The following ZDHHC14 variants were observed in gnomAD, a reference collection of about 807,000 sequenced individuals.
The protein encoded by ZDHHC14 is zDHHC palmitoyltransferase 14.
In ZDHHC14, 16 loss-of-function variants were observed where a neutral mutation model predicts 47.7. The ratio of observed to expected loss-of-function variants is 0.34; its 90% confidence interval spans 0.23 to 0.51. The LOEUF is 0.51. Among genes scored for constraint, ZDHHC14 ranks in the 20% least tolerant of loss-of-function variants. The pLI is 0.97. For missense variants in ZDHHC14, 515 were observed against 662.5 expected (o/e 0.78, Z 2.44); for synonymous variants, 293 against 278.9 (o/e 1.05, Z -0.50).
intron 3 of ZDHHC14, among the ~76,000 whole-genome samples, chr6:157,595,978 C>A (rs1234011646): frequency 6.6e-6 from 1 of 152,190 alleles, no homozygotes; most frequent in African/African-American, 2.4e-5. Flanking sequence ...AACCCAGGAG[C>A]ACACCGCAAG....
chr6:157,530,890 G>A (rs1273007213), intron 1 of ZDHHC14, among the ~76,000 whole-genome samples: 1 of 150,878 alleles, frequency 6.6e-6, no homozygotes, highest in Non-Finnish European at 1.5e-5. Context: ...TATGATGACG[G>A]ATATGTTAAA....
At chr6:157,393,958 C>T (rs1777471619) in intron 1 of ZDHHC14, among the ~76,000 whole-genome samples, 1 of 152,196 alleles carries the variant, frequency 6.6e-6, no homozygotes, top group Non-Finnish European at 1.5e-5. Context: ...GCTTAGAGCA[C>T]CTGCCCCCTG....
At chr6:157,466,169 T>G (rs1029666375) in intron 1 of ZDHHC14, among the ~76,000 whole-genome samples, 15 of 152,196 alleles carry the variant, frequency 9.9e-5, no homozygotes, top group Admixed American at 6.5e-4. Flanking sequence ...CATGCTTCTC[T>G]AGGGAGGACT....
At chr6:157,540,550 G>C (rs186648521) in intron 1 of ZDHHC14, among the ~76,000 whole-genome samples, 173 of 152,322 alleles carry the variant, frequency 1.1e-3, no homozygotes, top group African/African-American at 3.9e-3. Context: ...AATCACAGCT[G>C]TCAACACCTG....
chr6:157,515,624 C>T (rs1054542459), intron 1 of ZDHHC14, among the ~76,000 whole-genome samples: 2 of 151,898 alleles, frequency 1.3e-5, no homozygotes, highest in Non-Finnish European at 1.5e-5. Context: ...CCACCACGCC[C>T]GGCTAATTTT....
chr6:157,454,495 CTTCTTT>C (rs1168451580), intron 1 of ZDHHC14, among the ~76,000 whole-genome samples: 7 of 95,038 alleles, frequency 7.4e-5, no homozygotes, highest in African/African-American at 2.4e-4. Flanking sequence ...AATGCAGCTT[CTTCTTT>C]TTTTTTTTTT....
intron 8 of ZDHHC14, among the ~76,000 whole-genome samples, chr6:157,671,991 T>TA (rs934138158): frequency 1.2e-4 from 18 of 152,208 alleles, no homozygotes; most frequent in African/African-American, 3.9e-4. Context: ...CTGCATGCCT[T>TA]AAACACCAGC....
intron 1 of ZDHHC14, among the ~76,000 whole-genome samples, chr6:157,493,038 T>C (rs1779968484): frequency 6.6e-6 from 1 of 151,834 alleles, no homozygotes; most frequent in Non-Finnish European, 1.5e-5. Flanking sequence ...GGAGTCACCT[T>C]TTAGGTTTGA....
At chr6:157,644,471 C>G (rs1777421174) in intron 5 of ZDHHC14, among the ~76,000 whole-genome samples, 1 of 152,232 alleles carries the variant, frequency 6.6e-6, no homozygotes, top group Non-Finnish European at 1.5e-5. Context: ...CTACCGTCTC[C>G]TTCTAGAGCA....
chr6:157,593,076 A>G lies in ZDHHC14; in HGVS notation c.495A>G (p.Lys165=). The change falls in exon 3 of 9, where the codon AAA becomes AAG. Residue 165 remains lysine (K), a synonymous_variant. Transcript: ENST00000359775. ...TCAATGGCCAGACCGTGAAACTTAAATACTGTTTCACCTGCAAGATTTTCC... is the reference window on the plus strand; with the variant it reads ...TCAATGGCCAGACCGTGAAACTTAAGTACTGTTTCACCTGCAAGATTTTCC... ...VIINGQTVKL[K]YCFTCKIFRP... is the part of the protein sequence containing the mutation. The G allele has an allele frequency of 1.2e-6, 2 of 1,614,194 alleles. No homozygotes were observed. Among genetic ancestry groups the G allele is most frequent in the Middle Eastern group, 1.6e-4 (1 of 6,062 alleles).
chr6:157,431,456 C>T (rs950398146), intron 1 of ZDHHC14, among the ~76,000 whole-genome samples: 7 of 152,182 alleles, frequency 4.6e-5, no homozygotes, highest in South Asian at 2.1e-4. Context: ...TGCAAGGGAA[C>T]GCACTGTGTT....
intron 5 of ZDHHC14, among the ~76,000 whole-genome samples, chr6:157,644,625 G>T (rs934616404): frequency 2.0e-5 from 3 of 152,224 alleles, no homozygotes; most frequent in African/African-American, 7.2e-5. Flanking sequence ...TGGGTAATGT[G>T]CTCAGCCCTC....
At chr6:157,518,022 G>A (rs762698662) in intron 1 of ZDHHC14, among the ~76,000 whole-genome samples, 6 of 152,116 alleles carry the variant, frequency 3.9e-5, no homozygotes, top group Non-Finnish European at 7.4e-5. Flanking sequence ...ATGTGGACAC[G>A]CAGGCTGGAG....
At chr6:157,561,249 A>G (rs1782697148) in intron 2 of ZDHHC14, among the ~76,000 whole-genome samples, 2 of 152,170 alleles carry the variant, frequency 1.3e-5, no homozygotes, top group Admixed American at 1.3e-4. Flanking sequence ...TGCTGGGGTC[A>G]GGGCCAGGGA....
chr6:157,590,770 G>A (rs747204455), intron 2 of ZDHHC14, among the ~76,000 whole-genome samples: 1 of 152,232 alleles, frequency 6.6e-6, no homozygotes, highest in Non-Finnish European at 1.5e-5. Flanking sequence ...ACCCCAGAAT[G>A]GTAGATCCAC....
chr6:157,445,163 CT>C lies in ZDHHC14; in HGVS notation c.245+62898del, dbSNP rs765086666. ...ACACACACTCTTCATATCTATCTAT[CT>C]ATCATCATCATCATCATCATCATCA... On this transcript the variant is annotated intron_variant, in intron 1 of 8. Transcript: ENST00000359775. 6.6e-3 allele frequency among the ~76,000 whole-genome samples: 956 copies of C among 144,178 alleles called. 13 individuals are homozygous for C. Among genetic ancestry groups the C allele is most frequent in the African/African-American group, 0.025 (916 of 36,690 alleles). 94.6% of individuals were successfully genotyped at this position (144,178 alleles called of 152,430 possible). A position where few individuals can be genotyped will look rare whatever the true frequency, so the allele number is the denominator to read the frequency against.
chr6:157,666,589 A>G (rs374093990), intron 8 of ZDHHC14, among the ~76,000 whole-genome samples: 5 of 152,234 alleles, frequency 3.3e-5, no homozygotes, highest in African/African-American at 1.2e-4. Context: ...CCAAGCAGAA[A>G]TACATGATGC....
chr6:157,662,920 A>G (rs1354824532), intron 8 of ZDHHC14, among the ~76,000 whole-genome samples: 2 of 152,262 alleles, frequency 1.3e-5, no homozygotes, highest in African/African-American at 2.4e-5. Context: ...AGACACATGA[A>G]TGTGTTAACT....
chr6:157,449,948 G>A (rs113208917), intron 1 of ZDHHC14, among the ~76,000 whole-genome samples: 3,459 of 152,210 alleles, frequency 0.023, 143 homozygotes, highest in African/African-American at 0.079. Context: ...CTGGTCTGTC[G>A]TATTCTCCCC....
Sources: gnomAD v4.1 joint callset for allele counts (sites outside exome capture counted in the v4.1 genomes callset) on GRCh38, gnomAD v4.1.1 for gene constraint, MANE v1.5 for transcripts, NCBI Gene and HGNC (gene_info 2026-07-23, HGNC 2026-07-21) for gene names.